EIPR1: variants seen among roughly 807,000 people sequenced by gnomAD.
The protein encoded by EIPR1 is EARP and GARP complex-interacting protein 1.
EIPR1 carries 25 observed loss-of-function variants against 48.1 expected under a neutral mutation model. The observed-to-expected ratio is 0.52, with a 90% CI of 0.38 to 0.73. EIPR1 has a LOEUF of 0.73. Ranked by LOEUF, EIPR1 falls within the 30% of genes least tolerant of loss-of-function variation. EIPR1 has a pLI of 0.00. For synonymous variants in EIPR1, 204 were observed against 201.9 expected, an observed-to-expected ratio of 1.01 and a Z score of -0.09; for missense variants, 415 against 506.2, an observed-to-expected ratio of 0.82 and a Z score of 1.73.
intron 4 of EIPR1, among the ~76,000 whole-genome samples, chr2:3,245,320 C>T (rs1279080816): frequency 6.6e-6 from 1 of 152,186 alleles, no homozygotes; most frequent in Non-Finnish European, 1.5e-5. Flanking sequence ...TCAAGTGATT[C>T]TCCTGCCTCA....
rs757825489 is a variant in EIPR1 at position 3,298,261 on chromosome 2, T to C, written c.259+39756A>G. The C allele has an allele frequency of 4.6e-5, 7 of 152,362 alleles. 1 individual carries two copies. In the South Asian group the frequency reaches 6.2e-4, roughly 14 times the overall value. The allele number at this position is 152,362 out of a possible 1,614,324, so 9.4% of individuals were successfully genotyped here. A position where few individuals can be genotyped will look rare whatever the true frequency, so the allele number is the denominator to read the frequency against. On this transcript the variant is annotated intron_variant, in intron 3 of 8. Coordinates refer to ENST00000382125, the MANE Select transcript of EIPR1 (RefSeq NM_003310.5). ...ACCGGGGTTTTATTTATATGTCTAT[T>C]ACAGGCTTATATATTGGGGTTCCTT...
rs576380082 is a variant in EIPR1 at position 3,189,048 on chromosome 2, T to A, written c.*286A>T. On this transcript the variant is annotated 3_prime_UTR_variant, in exon 9 of 9. Transcript: ENST00000382125. This position sits in a 1 kb window ranked among gnomAD's most constrained non-coding sequence, Gnocchi z 4.6. ...ACTATTGCAGGAACAGACATTTTTT[T>A]AAAAAGCGAAACTCCTGACACCCTT... 6.9e-5 allele frequency: 20 copies of A among 291,668 alleles called. No individual in the cohort carries two copies. The highest frequency in any genetic ancestry group is 4.5e-4 in the East Asian group (8 of 17,912). The allele number at this position is 291,668 out of a possible 1,614,324, so 18.1% of individuals were successfully genotyped here.
chr2:3,260,997 A>G (rs1458676064), intron 3 of EIPR1, among the ~76,000 whole-genome samples: 1 of 152,226 alleles, frequency 6.6e-6, no homozygotes, highest in Non-Finnish European at 1.5e-5. Context: ...AGATGACCCA[A>G]TAATTCCACT....
chr2:3,289,783 C>A (rs1007207606), intron 3 of EIPR1, among the ~76,000 whole-genome samples: 1 of 152,240 alleles, frequency 6.6e-6, no homozygotes, highest in Non-Finnish European at 1.5e-5. Flanking sequence ...TGAACGCCAG[C>A]GGCCCCCAGC....
At chr2:3,332,281 G>A (rs1487991965) in intron 3 of EIPR1, among the ~76,000 whole-genome samples, 1 of 152,242 alleles carries the variant, frequency 6.6e-6, no homozygotes, top group African/African-American at 2.4e-5. Context: ...TGCACGGAAA[G>A]GTCAAGGCCT....
chr2:3,330,908 G>A (rs531591965), intron 3 of EIPR1, among the ~76,000 whole-genome samples: 10 of 151,804 alleles, frequency 6.6e-5, no homozygotes, highest in Admixed American at 2.0e-4. Flanking sequence ...TCATGAGACG[G>A]TGTAAGCAGA....
intron 3 of EIPR1, among the ~76,000 whole-genome samples, chr2:3,266,464 G>A (rs1172209066): frequency 6.6e-6 from 1 of 152,242 alleles, no homozygotes; most frequent in Non-Finnish European, 1.5e-5. Context: ...ATGCCTTAGG[G>A]ATGGCACCAT....
chr2:3,344,742 A>T (rs1199984572), intron 2 of EIPR1, among the ~76,000 whole-genome samples: 1 of 145,052 alleles, frequency 6.9e-6, no homozygotes, highest in Non-Finnish European at 1.5e-5. Flanking sequence ...TCCCCAGTTC[A>T]AATGATTCTC....
At chr2:3,336,490 G>C (rs62119495) in intron 3 of EIPR1, among the ~76,000 whole-genome samples, 26,265 of 152,144 alleles carry the variant, frequency 0.17, 2,448 homozygotes, top group Non-Finnish European at 0.21. Context: ...AAGAAGGGCC[G>C]GGCGCAGTGG....
chr2:3,222,933 A>T (rs1665944429), intron 4 of EIPR1, among the ~76,000 whole-genome samples: 1 of 152,210 alleles, frequency 6.6e-6, no homozygotes, highest in African/African-American at 2.4e-5. Flanking sequence ...TTCCCTAACC[A>T]ATCACGGTTT....
intron 5 of EIPR1, among the ~76,000 whole-genome samples, chr2:3,204,167 G>GC (rs1480395552): frequency 1.3e-5 from 2 of 152,194 alleles, no homozygotes; most frequent in Non-Finnish European, 2.9e-5. Context: ...GCGGGCTGTG[G>GC]CCCCCCTTAC....
chr2:3,243,189 A>C (rs1161051770), intron 4 of EIPR1, among the ~76,000 whole-genome samples: 2 of 152,232 alleles, frequency 1.3e-5, no homozygotes, highest in Non-Finnish European at 2.9e-5. Flanking sequence ...AAGCAAAAGG[A>C]AGATACGGGC....
chr2:3,216,714 A>G (rs568953136), intron 4 of EIPR1, among the ~76,000 whole-genome samples: 15 of 152,352 alleles, frequency 9.8e-5, no homozygotes, highest in African/African-American at 3.6e-4. Context: ...CACCCCATCT[A>G]TTAAAACTCT....
At chr2:3,258,179 C>G (rs934381145) in intron 3 of EIPR1, among the ~76,000 whole-genome samples, 4 of 152,152 alleles carry the variant, frequency 2.6e-5, no homozygotes, top group Non-Finnish European at 5.9e-5. Flanking sequence ...TCTAGAGTAC[C>G]TAGAAAAGCC....
intron 1 of EIPR1, among the ~76,000 whole-genome samples, chr2:3,374,550 C>T (rs1191904920): frequency 6.6e-6 from 1 of 152,114 alleles, no homozygotes; most frequent in Non-Finnish European, 1.5e-5. Flanking sequence ...ACAAAAAACC[C>T]CATCAAAAAG....
At position 3,189,494 on chromosome 2, in the gene EIPR1, AG is replaced by A; in HGVS notation, c.1003del (p.Leu335CysfsTer5). 1 of 1,558,678 alleles carries A rather than the reference AG, an allele frequency of 6.4e-7. No homozygotes were observed. The highest frequency in any genetic ancestry group is 8.7e-7 in the Non-Finnish European group (1 of 1,144,014). Reference protein sequence around the residue: ...HRSEEKSKEPLQDNVIATYEE... With the variant: ...HRSEEKSKEPXQDNVIATYEE... ...GTAGGTGGCGATCACGTTGTCCTGC[AG>A]GGGCTCCTTGCTCCTGCAATGCAAC... On this transcript the variant is annotated frameshift_variant, in exon 9 of 9. Coordinates refer to ENST00000382125, the MANE Select transcript of EIPR1 (RefSeq NM_003310.5). LOFTEE classifies it high-confidence loss of function. This position sits in a 1 kb window ranked among gnomAD's most constrained non-coding sequence, Gnocchi z 4.6.
In EIPR1 at chr2:3,206,581, C is replaced by T. The variant is rs1313359344; in HGVS notation, c.516+7568G>A. Among the ~76,000 whole-genome samples the T allele has an allele frequency of 2.0e-5, 3 of 152,302 alleles. No homozygotes were observed. The East Asian group carries it at 5.8e-4, about 29-fold the overall frequency. On this transcript the variant is annotated intron_variant, in intron 5 of 8. Transcript: ENST00000382125. ...TTTTTAGTTTATTTCTAAAAGGATT[C>T]TATTTGTAGGAAGAATAGAACTAAA...
chr2:3,347,403 A>C (rs1334744211), intron 2 of EIPR1, among the ~76,000 whole-genome samples: 1 of 152,176 alleles, frequency 6.6e-6, no homozygotes, highest in Non-Finnish European at 1.5e-5. Context: ...ATAGTGAATA[A>C]GTCTCATGAG....
At chr2:3,364,395 C>G (rs959770184) in intron 1 of EIPR1, among the ~76,000 whole-genome samples, 5 of 152,042 alleles carry the variant, frequency 3.3e-5, no homozygotes, top group Non-Finnish European at 7.4e-5. Context: ...TTTGGGAAGC[C>G]AAGGCAGGAG....
Sources: allele counts gnomAD v4.1 joint callset (sites outside exome capture counted in the v4.1 genomes callset), GRCh38; gene constraint gnomAD v4.1.1; non-coding constraint Gnocchi (gnomAD v3.1); transcripts MANE v1.5; gene names NCBI Gene and HGNC (gene_info 2026-07-23, HGNC 2026-07-21).